NCKAP5: variants seen among roughly 807,000 people sequenced by gnomAD.
The protein encoded by NCKAP5 is nck-associated protein 5.
Under a neutral mutation model 167.0 loss-of-function variants are expected in NCKAP5, and 92 were observed. The ratio of observed to expected loss-of-function variants is 0.55; its 90% confidence interval spans 0.47 to 0.66. NCKAP5 has a LOEUF of 0.66. Ranked by LOEUF, NCKAP5 falls within the 30% of genes least tolerant of loss-of-function variation. The probability of loss-of-function intolerance (pLI) is 0.00; values close to 1 mark genes in which losing one functional copy is unlikely to be tolerated. For synonymous variants in NCKAP5, 891 were observed against 877.4 expected, an observed-to-expected ratio of 1.02 and a Z score of -0.27; for missense variants, 2,378 against 2,315.0, an observed-to-expected ratio of 1.03 and a Z score of -0.56.
intron 6 of NCKAP5, among the ~76,000 whole-genome samples, chr2:133,091,154 A>G (rs1305149107): frequency 6.6e-6 from 1 of 152,094 alleles, no homozygotes; most frequent in Non-Finnish European, 1.5e-5. Flanking sequence ...CTCCCTAACC[A>G]TGCTTCCTGT....
intron 3 of NCKAP5, among the ~76,000 whole-genome samples, chr2:133,325,996 C>G (rs935555943): frequency 6.6e-6 from 1 of 152,198 alleles, no homozygotes; most frequent in Non-Finnish European, 1.5e-5. Flanking sequence ...AAATGGCTGT[C>G]ACTAGAGGGC....
At chr2:133,644,602 A>G in the NCKAP5 span, among the ~76,000 whole-genome samples, 10 of 152,160 alleles carry the variant, frequency 6.6e-5, no homozygotes, top group Non-Finnish European at 1.3e-4. Flanking sequence ...TTTTGCATAT[A>G]TTTCTCATAT....
intron 3 of NCKAP5, among the ~76,000 whole-genome samples, chr2:133,449,569 T>C (rs1691417719): frequency 6.6e-6 from 1 of 152,184 alleles, no homozygotes; most frequent in Non-Finnish European, 1.5e-5. Context: ...GAGAATTCTT[T>C]GAACAAGGAA....
the NCKAP5 span, among the ~76,000 whole-genome samples, chr2:133,574,568 TGCTGGAGTGG>T: frequency 6.6e-6 from 1 of 151,588 alleles, no homozygotes; most frequent in Non-Finnish European, 1.5e-5. Flanking sequence ...CTCAGGGGTC[TGCTGGAGTGG>T]GCTGGAGTTG....
the NCKAP5 span, among the ~76,000 whole-genome samples, chr2:133,643,154 C>T: frequency 6.6e-6 from 1 of 152,096 alleles, no homozygotes. Flanking sequence ...AATTGTCTGG[C>T]CATTAATGGG....
chr2:133,613,470 C>T, the NCKAP5 span, among the ~76,000 whole-genome samples: 1 of 152,194 alleles, frequency 6.6e-6, no homozygotes, highest in Non-Finnish European at 1.5e-5. Flanking sequence ...CTAGCTCTGC[C>T]TCTCACCAGT....
intron 3 of NCKAP5, among the ~76,000 whole-genome samples, chr2:133,495,297 G>A (rs1681844071): frequency 1.3e-5 from 2 of 152,032 alleles, no homozygotes; most frequent in Admixed American, 1.3e-4. Context: ...CTCATTTTTG[G>A]CTCAGAATAA....
intron 5 of NCKAP5, among the ~76,000 whole-genome samples, chr2:133,162,226 A>ATT (rs11450998): frequency 6.6e-6 from 1 of 152,124 alleles, no homozygotes. Flanking sequence ...GTTTTAGATA[A>ATT]TTTTTTATCA....
chr2:133,083,051 G>A (rs1383980187), intron 6 of NCKAP5, among the ~76,000 whole-genome samples: 1 of 152,130 alleles, frequency 6.6e-6, no homozygotes, highest in Non-Finnish European at 1.5e-5. Flanking sequence ...TGAGTGTCCA[G>A]CTGCAGGATA....
chr2:132,771,105 C>G (rs1393850964), intron 16 of NCKAP5, among the ~76,000 whole-genome samples: 2 of 151,988 alleles, frequency 1.3e-5, no homozygotes, highest in Non-Finnish European at 2.9e-5. Flanking sequence ...AAAAAGTTAA[C>G]AGCCTCAGGG....
intron 5 of NCKAP5, among the ~76,000 whole-genome samples, chr2:133,177,110 G>C (rs985978023): frequency 1.3e-5 from 2 of 150,968 alleles, no homozygotes; most frequent in Non-Finnish European, 2.9e-5. Flanking sequence ...TTTAAGTTTA[G>C]AAATACTGGA....
At chr2:132,747,843 G>A (rs187407502) in intron 16 of NCKAP5, among the ~76,000 whole-genome samples, 4 of 152,320 alleles carry the variant, frequency 2.6e-5, no homozygotes, top group East Asian at 3.9e-4. Flanking sequence ...TAACTTGCCC[G>A]TAGGCCTATA....
In NCKAP5 at chr2:132,795,820, G is replaced by GA. The variant is rs55826486; in HGVS notation, c.909+807dup. On this transcript the variant is annotated intron_variant, in intron 12 of 19. Coordinates refer to ENST00000409261, the MANE Select transcript of NCKAP5 (RefSeq NM_207363.3). ...GGCAACAGGATGAGACCCCGTATCA[G>GA]AAAAAAAAAAAAAAAAAACAAAAAA... 6.9e-3 allele frequency among the ~76,000 whole-genome samples: 590 copies of GA among 85,022 alleles called. 20 individuals are homozygous for GA. The highest frequency in any genetic ancestry group is 0.015 in the Admixed American group (108 of 7,446). The allele number at this position is 85,022 out of a possible 152,430, so 55.8% of individuals were successfully genotyped here. A position where few individuals can be genotyped will look rare whatever the true frequency, so the allele number is the denominator to read the frequency against.
At chr2:133,197,052 T>C (rs906303670) in intron 5 of NCKAP5, among the ~76,000 whole-genome samples, 2 of 152,104 alleles carry the variant, frequency 1.3e-5, no homozygotes, top group African/African-American at 2.4e-5. Flanking sequence ...GATGTAATCA[T>C]GAGAAGTGGG....
chr2:133,535,026 T>C lies in NCKAP5; in HGVS notation c.-61-17439A>G, dbSNP rs549195014. On this transcript the variant is annotated intron_variant, in intron 2 of 19. Transcript: ENST00000409261. ...TTCTTTTTTTAACTATAGCCACTTATAAGTGGGTATGAAGAGGTATCTCAT... is the reference window on the plus strand; with the variant it reads ...TTCTTTTTTTAACTATAGCCACTTACAAGTGGGTATGAAGAGGTATCTCAT... Among the ~76,000 whole-genome samples the C allele has an allele frequency of 4.6e-5, 7 of 152,302 alleles. No homozygotes were observed. The East Asian group carries it at 9.6e-4, about 21-fold the overall frequency.
intron 7 of NCKAP5, among the ~76,000 whole-genome samples, chr2:132,966,373 T>C (rs2149216610): frequency 6.6e-6 from 1 of 152,324 alleles, no homozygotes; most frequent in South Asian, 2.1e-4. Flanking sequence ...GTGCTGGGAT[T>C]ACAGGCCTAA....
chr2:133,034,731 A>G (rs539565927), intron 6 of NCKAP5, among the ~76,000 whole-genome samples: 1 of 152,126 alleles, frequency 6.6e-6, no homozygotes, highest in South Asian at 2.1e-4. Flanking sequence ...GTATTTGCAA[A>G]CCCTATGGTA....
chr2:133,556,211 T>A (rs1687725428), intron 2 of NCKAP5, among the ~76,000 whole-genome samples: 1 of 152,202 alleles, frequency 6.6e-6, no homozygotes, highest in Non-Finnish European at 1.5e-5. Context: ...TTTATAAAAA[T>A]TTATCAAGCT....
At chr2:133,588,715 C>A in the NCKAP5 span, among the ~76,000 whole-genome samples, 2 of 152,104 alleles carry the variant, frequency 1.3e-5, no homozygotes, top group East Asian at 1.9e-4. Context: ...TGGTAAGTAT[C>A]ATGGAGAGCA....
Sources: gnomAD v4.1 joint callset for allele counts (sites outside exome capture counted in the v4.1 genomes callset) on GRCh38, gnomAD v4.1.1 for gene constraint, MANE v1.5 for transcripts, NCBI Gene and HGNC (gene_info 2026-07-23, HGNC 2026-07-21) for gene names.